The following IDE variants were observed in gnomAD, a reference collection of about 807,000 sequenced individuals.
The protein encoded by IDE is insulin-degrading enzyme.
A neutral mutation model predicts 133.2 loss-of-function variants in IDE; 58 were observed. The observed-to-expected ratio is 0.44, with a 90% CI of 0.35 to 0.54. The LOEUF (loss-of-function observed/expected upper bound fraction) is 0.54, where lower values mean the gene tolerates loss of function less well. Among genes scored for constraint, IDE ranks in the 20% least tolerant of loss-of-function variants. The probability of loss-of-function intolerance (pLI) is 0.00; values close to 1 mark genes in which losing one functional copy is unlikely to be tolerated. For missense variants in IDE, 981 were observed against 1,234.0 expected (o/e 0.79, Z 3.07); for synonymous variants, 396 against 421.3 (o/e 0.94, Z 0.73).
intron 11 of IDE, among the ~76,000 whole-genome samples, chr10:92,492,650 C>T (rs1431638901): frequency 2.0e-5 from 3 of 152,162 alleles, no homozygotes; most frequent in African/African-American, 7.2e-5. Context: ...TCTGTTCCTG[C>T]TTGTTCTCAC....
At chr10:92,534,844 C>T (rs1841910143) in intron 2 of IDE, 59 bp from the exon 3 acceptor site, 1 of 1,296,402 alleles carries the variant, frequency 7.7e-7, no homozygotes, top group South Asian at 1.2e-5. Flanking sequence ...TTAGTAAGTA[C>T]AGGTGATTTG....
chr10:92,476,176 T>C (rs1208270674), intron 15 of IDE, among the ~76,000 whole-genome samples, 182 bp from the exon 16 acceptor site: 4 of 141,312 alleles, frequency 2.8e-5, no homozygotes, highest in Non-Finnish European at 6.3e-5. Context: ...ATTAACCATC[T>C]TTTTTTTTTT....
At chr10:92,550,666 A>T (rs1232294576) in intron 1 of IDE, among the ~76,000 whole-genome samples, 1 of 150,918 alleles carries the variant, frequency 6.6e-6, no homozygotes, top group Non-Finnish European at 1.5e-5. Flanking sequence ...AAAAAAAAAA[A>T]AAAAAAAATC....
At chr10:92,521,910 T>C (rs1425621586) in intron 4 of IDE, among the ~76,000 whole-genome samples, 1 of 152,092 alleles carries the variant, frequency 6.6e-6, no homozygotes, top group African/African-American at 2.4e-5. Context: ...CTGAAATATT[T>C]ATGAGCAAAA....
At chr10:92,456,968 A>G (rs1845064658) in intron 22 of IDE, among the ~76,000 whole-genome samples, 1 of 150,836 alleles carries the variant, frequency 6.6e-6, no homozygotes, top group Non-Finnish European at 1.5e-5. Flanking sequence ...CGCAAGAATT[A>G]TTCTTTTTTT....
chr10:92,495,181 G>A (rs963661611), intron 11 of IDE, among the ~76,000 whole-genome samples: 12 of 143,674 alleles, frequency 8.4e-5, no homozygotes, highest in African/African-American at 2.6e-4. Flanking sequence ...CTCCTGCCTC[G>A]GCTTCCATAG....
chr10:92,534,533 GA>G, intron 3 of IDE, 44 bp downstream of exon 3: 1 of 1,011,350 alleles, frequency 9.9e-7, no homozygotes. Flanking sequence ...TTATTAATGT[GA>G]TAAGTACACA....
chr10:92,461,022 G>C (rs1187237317), intron 22 of IDE, among the ~76,000 whole-genome samples, 169 bp downstream of exon 22: 1 of 152,074 alleles, frequency 6.6e-6, no homozygotes, highest in African/African-American at 2.4e-5. Context: ...TGTATTTTTA[G>C]TATAAATGGG....
chr10:92,493,447 A>G (rs3781238), intron 11 of IDE, among the ~76,000 whole-genome samples: 4 of 149,714 alleles, frequency 2.7e-5, no homozygotes, highest in African/African-American at 9.9e-5. Flanking sequence ...GCTGGAGTGG[A>G]GTGGACTTGC....
intron 12 of IDE, among the ~76,000 whole-genome samples, chr10:92,488,901 T>C (rs188384805): frequency 1.6e-3 from 225 of 145,082 alleles, no homozygotes; most frequent in African/African-American, 5.6e-3. Flanking sequence ...CCACTGATTG[T>C]TGAACCTAAT....
At chr10:92,515,442 G>A (rs1029844367) in intron 4 of IDE, among the ~76,000 whole-genome samples, 4 of 151,248 alleles carry the variant, frequency 2.6e-5, no homozygotes, top group Non-Finnish European at 5.9e-5. Flanking sequence ...TGTATTTTTA[G>A]TAGAGATGGG....
At chr10:92,558,217 T>C (rs1843108881) in intron 1 of IDE, among the ~76,000 whole-genome samples, 2 of 152,170 alleles carry the variant, frequency 1.3e-5, no homozygotes, top group Non-Finnish European at 2.9e-5. Context: ...TACGCCAGGC[T>C]AATTTTTGGT....
rs1377211001 is a variant in IDE at position 92,454,161 on chromosome 10, T to A, written c.*283A>T. 4.7e-5 allele frequency: 12 copies of A among 253,042 alleles called. No homozygotes were observed. In the Admixed American group the frequency reaches 5.4e-4, roughly 11 times the overall value. 15.7% of individuals were successfully genotyped at this position (253,042 alleles called of 1,614,324 possible). On this transcript the variant is annotated 3_prime_UTR_variant, in exon 25 of 25. Transcript: ENST00000265986. Reference sequence around the variant, plus strand: ...ATAGGGAAGGAAGATTCTATAGGAATATCATTCATTTTAAGCATTGTTATA... The same window carrying A: ...ATAGGGAAGGAAGATTCTATAGGAAAATCATTCATTTTAAGCATTGTTATA...
intron 12 of IDE, among the ~76,000 whole-genome samples, chr10:92,489,317 T>C (rs35650880): frequency 0.012 from 1,870 of 152,216 alleles, 135 homozygotes; most frequent in Admixed American, 0.11. Context: ...TTTGGGAGGC[T>C]GAGGCAGGCG....
intron 14 of IDE, 183 bp from the exon 15 acceptor site, chr10:92,479,604 TGTGTGA>T (rs1405447715): frequency 1.8e-5 from 10 of 541,226 alleles, no homozygotes; most frequent in Admixed American, 3.2e-5. Flanking sequence ...GCCTGAAGTG[TGTGTGA>T]GTGTGTGTGT....
intron 22 of IDE, among the ~76,000 whole-genome samples, chr10:92,456,637 G>A (rs1362074547): frequency 2.0e-5 from 3 of 151,888 alleles, no homozygotes; most frequent in South Asian, 2.1e-4. Flanking sequence ...TCAGGAGTTC[G>A]AGACCAGCCT....
At chr10:92,461,159 A>G (rs763756983) in intron 22 of IDE, 32 bp downstream of exon 22, 6 of 1,051,922 alleles carry the variant, frequency 5.7e-6, no homozygotes, top group Non-Finnish European at 8.9e-6. Context: ...CTTTCATATC[A>G]GTCAAAATCT....
At position 92,515,069 on chromosome 10, in the gene IDE, A is replaced by G. The variant is rs932118123; in HGVS notation, c.662-27T>C. 1.1e-5 allele frequency: 17 copies of G among 1,561,510 alleles called. No homozygotes were observed. In the Admixed American group the frequency reaches 2.0e-4, roughly 18 times the overall value. On this transcript the variant is annotated intron_variant, in intron 4 of 24. Coordinates refer to ENST00000265986, the MANE Select transcript of IDE (RefSeq NM_004969.4). ...TGGAAGGGAAGAAAAGGGATTTCTT[A>G]GAAAAAGCAAAATATGTGGACTTTT...
At chr10:92,564,705 A>AAAAAAAAAAAAAAAG (rs1843443037) in intron 1 of IDE, among the ~76,000 whole-genome samples, 1 of 125,986 alleles carries the variant, frequency 7.9e-6, no homozygotes, top group Non-Finnish European at 1.7e-5. Flanking sequence ...AAAAAAAAAA[A>AAAAAAAAAAAAAAAG]AAAAACTGAA....
Sources: gnomAD v4.1 joint callset for allele counts (sites outside exome capture counted in the v4.1 genomes callset) on GRCh38, gnomAD v4.1.1 for gene constraint, MANE v1.5 for transcripts, NCBI Gene and HGNC (gene_info 2026-07-23, HGNC 2026-07-21) for gene names.